CA12: variants seen among roughly 807,000 people sequenced by gnomAD.
The protein encoded by CA12 is carbonic anhydrase 12.
CA12 carries 36 observed loss-of-function variants against 46.8 expected under a neutral mutation model. The ratio of observed to expected loss-of-function variants is 0.77; its 90% CI spans 0.59 to 1.02. CA12 has a LOEUF of 1.02. CA12 is among the 50% of genes least tolerant of loss of function. The pLI, the probability that CA12 is intolerant of heterozygous loss-of-function variation, is 0.00. For missense variants in CA12, 436 were observed against 451.4 expected (o/e 0.97, Z 0.31); for synonymous variants, 202 against 187.0 (o/e 1.08, Z -0.65).
chr15:63,376,788 G>A (rs547774384), intron 1 of CA12, among the ~76,000 whole-genome samples: 7 of 151,604 alleles, frequency 4.6e-5, no homozygotes, highest in African/African-American at 7.3e-5. Flanking sequence ...GATTACAGGC[G>A]CGCACCACCA....
rs1477788351 is a variant in CA12 at position 63,325,501 on chromosome 15, CAG to C, written c.*782_*783del. ...TGTCCTTACATTATGGCTTGATAAA[CAG>C]AATGTGATTCCAATTCTGATTCCAA... On this transcript the variant is annotated 3_prime_UTR_variant, in exon 11 of 11. Transcript: ENST00000178638. The surrounding 1 kb of genome is among the most constrained non-coding windows in gnomAD (Gnocchi z 4.9). 3.3e-5 allele frequency: 5 copies of C among 152,384 alleles called. No homozygotes were observed. In the East Asian group the frequency reaches 7.7e-4, roughly 24 times the overall value. The allele number at this position is 152,384 out of a possible 1,614,324, so 9.4% of individuals were successfully genotyped here. A position where few individuals can be genotyped will look rare whatever the true frequency, so the allele number is the denominator to read the frequency against.
At chr15:63,344,505 T>C (rs987226911) in intron 4 of CA12, among the ~76,000 whole-genome samples, 3 of 152,268 alleles carry the variant, frequency 2.0e-5, no homozygotes, top group African/African-American at 7.2e-5. Flanking sequence ...GAAATTTCAG[T>C]TCTTGAGCTT....
In CA12 at chr15:63,374,380, C is replaced by T. The variant is rs762606810; in HGVS notation, c.106+1278G>A. Among the ~76,000 whole-genome samples the T allele has an allele frequency of 2.6e-5, 4 of 152,216 alleles. No homozygotes were observed. The highest frequency in any genetic ancestry group is 4.4e-5 in the Non-Finnish European group (3 of 68,042). Reference sequence around the variant, plus strand: ...CCTCCTCCAGGAGGCCTTCCCTGACCATCTAGCCCTAGCACACTCGCCCTC... The same window carrying T: ...CCTCCTCCAGGAGGCCTTCCCTGACTATCTAGCCCTAGCACACTCGCCCTC... On this transcript the variant is annotated intron_variant, in intron 2 of 10. Coordinates refer to ENST00000178638, the MANE Select transcript of CA12 (RefSeq NM_001218.5). The surrounding 1 kb of genome is among the most constrained non-coding windows in gnomAD (Gnocchi z 4.4).
intron 2 of CA12, among the ~76,000 whole-genome samples, chr15:63,370,756 G>C (rs1209239719): frequency 6.6e-6 from 1 of 150,980 alleles, no homozygotes; most frequent in East Asian, 1.9e-4. Flanking sequence ...CTGGGTGGCA[G>C]AGCGAGACTC....
At chr15:63,380,636 G>C (rs990461671) in intron 1 of CA12, among the ~76,000 whole-genome samples, 3 of 152,158 alleles carry the variant, frequency 2.0e-5, no homozygotes, top group African/African-American at 7.2e-5. Context: ...CATCATGCCA[G>C]CTAGTTGACT....
intron 8 of CA12, among the ~76,000 whole-genome samples, chr15:63,338,260 C>T (rs751314182): frequency 6.6e-6 from 1 of 152,210 alleles, no homozygotes; most frequent in Non-Finnish European, 1.5e-5. Flanking sequence ...GGAGGTTAGA[C>T]AAAAATGCAG....
intron 2 of CA12, among the ~76,000 whole-genome samples, chr15:63,370,960 G>A (rs2039497546): frequency 1.3e-5 from 2 of 152,038 alleles, no homozygotes; most frequent in Non-Finnish European, 2.9e-5. Context: ...TCTATTAATT[G>A]CAGGTGCTCC....
chr15:63,334,795 G>A (rs546640844), intron 8 of CA12, among the ~76,000 whole-genome samples: 32 of 152,214 alleles, frequency 2.1e-4, no homozygotes, highest in East Asian at 5.8e-4. Flanking sequence ...TCTCTCTCAC[G>A]CTACGTCTCT....
rs1396807452 is a variant in CA12, at chr15:63,330,761, C to T, written c.875-2631G>A. ...AGAGTCTGGCTTCCCCCGGTTATTA[C>T]GCGGGGTTCCTGTTGGAGGTCCTGT... On this transcript the variant is annotated intron_variant, in intron 8 of 10. Coordinates refer to ENST00000178638, the MANE Select transcript of CA12 (RefSeq NM_001218.5). The surrounding 1 kb of genome is among the most constrained non-coding windows in gnomAD (Gnocchi z 4.0). Among the ~76,000 whole-genome samples, 8 of 152,214 alleles carry T rather than the reference C, an allele frequency of 5.3e-5. No homozygotes were observed. In the South Asian group the frequency reaches 1.0e-3, roughly 20 times the overall value.
intron 8 of CA12, among the ~76,000 whole-genome samples, chr15:63,334,121 G>A (rs2038968627): frequency 6.6e-6 from 1 of 151,914 alleles, no homozygotes; most frequent in South Asian, 2.1e-4. Flanking sequence ...TTCCCACTAA[G>A]AGCACCTGAC....
intron 2 of CA12, among the ~76,000 whole-genome samples, chr15:63,364,844 C>T (rs2039418406): frequency 6.6e-6 from 1 of 152,256 alleles, no homozygotes; most frequent in African/African-American, 2.4e-5. Flanking sequence ...GGCACTGTTT[C>T]AAGATTGTTC....
intron 1 of CA12, among the ~76,000 whole-genome samples, chr15:63,380,793 T>G (rs1408187056): frequency 6.6e-6 from 1 of 152,198 alleles, no homozygotes; most frequent in Non-Finnish European, 1.5e-5. Flanking sequence ...AGAATCTAGT[T>G]TCAGCCAGTA....
intron 2 of CA12, among the ~76,000 whole-genome samples, chr15:63,362,190 G>T (rs913109921): frequency 6.6e-6 from 1 of 152,186 alleles, no homozygotes; most frequent in Non-Finnish European, 1.5e-5. Context: ...CAGGTGTTGG[G>T]CTGGACTTGA....
chr15:63,376,165 C>T (rs1052298755), intron 1 of CA12, among the ~76,000 whole-genome samples: 2 of 152,208 alleles, frequency 1.3e-5, no homozygotes, highest in African/African-American at 2.4e-5. Context: ...GGCAACTGTG[C>T]TCCAGTCAGC....
chr15:63,345,537 C>T lies in CA12; in HGVS notation c.369G>A (p.Gly123=), dbSNP rs2039135342. The T allele has an allele frequency of 6.2e-7, 1 of 1,612,872 alleles. No homozygotes were observed. The part of the protein sequence containing the change: ...YSATQLHLHW[G]NPNDPHGSEH... ...CAGAGCCGTGCGGGTCATTCGGGTTCCCCCAGTGCAGGTGCAGCTGCGTGG... is the reference window on the plus strand; with the variant it reads ...CAGAGCCGTGCGGGTCATTCGGGTTTCCCCAGTGCAGGTGCAGCTGCGTGG... Residue 123 remains glycine, a synonymous_variant, in exon 4 of 11, where the codon GGG becomes GGA. Transcript: ENST00000178638. The surrounding 1 kb of genome is among the most constrained non-coding windows in gnomAD (Gnocchi z 4.3).
intron 3 of CA12, 112 bp downstream of exon 3, chr15:63,346,418 C>CCCACAA: frequency 1.3e-6 from 1 of 780,302 alleles, no homozygotes; most frequent in Non-Finnish European, 2.2e-6. Context: ...CCGCCCCACC[C>CCCACAA]CTCCTCCTGG....
chr15:63,347,445 T>G (rs67020211), intron 2 of CA12, among the ~76,000 whole-genome samples: 62,664 of 152,016 alleles, frequency 0.41, 15,442 homozygotes, highest in Non-Finnish European at 0.56. Context: ...AATCACAGAG[T>G]GAAGTGCAGA....
chr15:63,350,703 A>G (rs1313144205), intron 2 of CA12, among the ~76,000 whole-genome samples: 1 of 152,136 alleles, frequency 6.6e-6, no homozygotes, highest in Non-Finnish European at 1.5e-5. Flanking sequence ...GGGAATTTTG[A>G]GGCCCAGGGT....
intron 1 of CA12, among the ~76,000 whole-genome samples, chr15:63,381,047 TGCGTGCGC>T (rs1411037124): frequency 6.6e-6 from 1 of 151,932 alleles, no homozygotes; most frequent in Non-Finnish European, 1.5e-5. Context: ...GTGGTTTGTG[TGCGTGCGC>T]GCGTGCGTGT....
Sources: gnomAD v4.1 joint callset for allele counts (sites outside exome capture counted in the v4.1 genomes callset) on GRCh38, gnomAD v4.1.1 for gene constraint, Gnocchi (gnomAD v3.1) non-coding constraint, MANE v1.5 for transcripts, NCBI Gene and HGNC (gene_info 2026-07-23, HGNC 2026-07-21) for gene names.